The following RYR3 variants were observed in gnomAD, a reference collection of about 807,000 sequenced individuals.
The protein encoded by RYR3 is brain ryanodine receptor-calcium release channel.
RYR3 carries 207 observed loss-of-function variants against 584.3 expected under a neutral mutation model. The observed-to-expected ratio is 0.35, with a 90% CI of 0.32 to 0.40. RYR3 has a LOEUF of 0.40. Among genes scored for constraint, RYR3 ranks in the 10% least tolerant of loss-of-function variants. The pLI is 1.00. For synonymous variants in RYR3, 2,416 were observed against 2,248.5 expected, an observed-to-expected ratio of 1.07 and a Z score of -2.11; for missense variants, 5,616 against 6,089.2, an observed-to-expected ratio of 0.92 and a Z score of 2.59.
At chr15:33,808,376 G>A (rs1253635026) in intron 70 of RYR3, among the ~76,000 whole-genome samples, 2 of 152,164 alleles carry the variant, frequency 1.3e-5, no homozygotes, top group African/African-American at 4.8e-5. Context: ...GCACATTGGA[G>A]TCATATTGCA....
At chr15:33,359,593 CTTATTTATTTATTTAT>C (rs34142769) in intron 1 of RYR3, among the ~76,000 whole-genome samples, 13 of 144,824 alleles carry the variant, frequency 9.0e-5, no homozygotes, top group East Asian at 2.0e-4. Context: ...TCCCTGACCC[CTTATTTATTTATTTAT>C]TTATTTATTT....
chr15:33,429,064 A>G (rs2141701968), intron 1 of RYR3, among the ~76,000 whole-genome samples: 1 of 152,290 alleles, frequency 6.6e-6, no homozygotes, highest in Middle Eastern at 3.4e-3. Flanking sequence ...GTGGGCGGGC[A>G]CTGCAGGAGT....
At chr15:33,712,992 C>G (rs1596282811) in intron 43 of RYR3, among the ~76,000 whole-genome samples, 2 of 152,140 alleles carry the variant, frequency 1.3e-5, no homozygotes, top group South Asian at 2.1e-4. Context: ...TGTTCATGAT[C>G]TTTACGAGAG....
intron 29 of RYR3, among the ~76,000 whole-genome samples, chr15:33,647,054 G>A (rs146580334): frequency 3.3e-3 from 503 of 152,302 alleles, no homozygotes; most frequent in African/African-American, 0.011. Context: ...GCCTGGAGCC[G>A]TCTTGTTGGG....
At chr15:33,424,801 T>C (rs1397705062) in intron 1 of RYR3, among the ~76,000 whole-genome samples, 3 of 152,148 alleles carry the variant, frequency 2.0e-5, no homozygotes, top group Non-Finnish European at 2.9e-5. Context: ...ATGAGCACTA[T>C]AGGGCCTCTA....
Position 33,503,737 on chromosome 15 carries a change from G to A in RYR3, c.278G>A (p.Gly93Glu). The change falls in exon 3 of 104, where the codon GGG becomes GAG. Residue 93 changes from glycine to glutamate, a missense_variant and splice_region_variant. This residue lies in a region of RYR3 where 1,284 missense variants were observed against 1,344.6 expected (regional missense o/e 0.95). Coordinates refer to ENST00000634891, the MANE Select transcript of RYR3 (RefSeq NM_001036.6). ...LANTGENGGE[G>E]AAQGGGHRTL... Reference sequence around the variant, plus strand: ...AACACAGGTGAAAATGGCGGCGAAGGGGTGAGTACCCGAATTGTGTCCTAG... The same window carrying A: ...AACACAGGTGAAAATGGCGGCGAAGAGGTGAGTACCCGAATTGTGTCCTAG... 6.3e-7 allele frequency: 1 copy of A among 1,599,666 alleles called. No homozygotes were observed. Among genetic ancestry groups the A allele is most frequent in the Non-Finnish European group, 8.6e-7 (1 of 1,169,408 alleles).
At chr15:33,508,629 G>A (rs1034949490) in intron 3 of RYR3, among the ~76,000 whole-genome samples, 4 of 152,132 alleles carry the variant, frequency 2.6e-5, no homozygotes, top group South Asian at 2.1e-4. Context: ...CAGACTGGGC[G>A]ACAGAGCAAG....
intron 1 of RYR3, chr15:33,465,719 G>A (rs772934450): frequency 1.9e-6 from 1 of 518,986 alleles, no homozygotes; most frequent in African/African-American, 1.9e-5. Context: ...TACAATAGTT[G>A]TGACAAGAGA....
chr15:33,700,993 G>T lies in RYR3; in HGVS notation c.6396G>T (p.Arg2132Ser). Residue 2132 changes from arginine to serine, a missense_variant, in exon 42 of 104, where the codon AGG (arginine) becomes AGT (serine). Transcript: ENST00000634891. Reference sequence around the variant, plus strand: ...CTCCCTCAGCCTCCCCGTCGATGAGGGGATCCACCCCGCTGGATGTGGCAG... The same window carrying T: ...CTCCCTCAGCCTCCCCGTCGATGAGTGGATCCACCCCGCTGGATGTGGCAG... ...SSVGLASPSM[R>S]GSTPLDVAAS... 1 of 1,613,044 alleles carries T rather than the reference G, an allele frequency of 6.2e-7. No individual in the cohort carries two copies. The highest frequency in any genetic ancestry group is 8.5e-7 in the Non-Finnish European group (1 of 1,179,474).
chr15:33,838,634 C>T lies in RYR3; in HGVS notation c.12654C>T (p.Gly4218=). Residue 4218 remains glycine, a synonymous_variant, in exon 89 of 104, where the codon GGC becomes GGT. Transcript: ENST00000634891. ...QILWSTVFGG[G]LVEGAKNIRV... is the part of the protein sequence containing the mutation. ...TCTGGAGCACAGTGTTTGGAGGGGG[C>T]CTGGTAGAAGGGGCAAAGAACATCA... 2 of 1,613,734 alleles carry T rather than the reference C, an allele frequency of 1.2e-6. No individual in the cohort carries two copies. The highest frequency in any genetic ancestry group is 1.7e-6 in the Non-Finnish European group (2 of 1,179,818).
chr15:33,363,706 T>A (rs1975085455), intron 1 of RYR3, among the ~76,000 whole-genome samples: 1 of 152,216 alleles, frequency 6.6e-6, no homozygotes, highest in African/African-American at 2.4e-5. Context: ...CTATTATGTG[T>A]TGAGCTCAAG....
At position 33,663,669 on chromosome 15, in the gene RYR3, G is replaced by A. The variant is rs1276672359; in HGVS notation, c.5551G>A (p.Ala1851Thr). The change falls in exon 36 of 104, where the codon GCC becomes ACC. Residue 1851 changes from alanine (A) to threonine (T), a missense_variant. By Grantham distance (58) the Ala-to-Thr change is moderately conservative. This residue lies in a region of RYR3 where 1,280 missense variants were observed against 1,426.2 expected (regional missense o/e 0.90). Transcript: ENST00000634891. ...GTTCCGCTACAATGAGCTCATGCAG[G>A]CCCTGAACATGTCTGCGGCCCTGAC... ...QKFRYNELMQ[A>T]LNMSAALTAR... The A allele has an allele frequency of 6.2e-7, 1 of 1,612,854 alleles. No homozygotes were observed. The highest frequency in any genetic ancestry group is 1.7e-5 in the Admixed American group (1 of 59,966).
At chr15:33,439,054 T>A (rs2045987895) in intron 1 of RYR3, among the ~76,000 whole-genome samples, 1 of 152,192 alleles carries the variant, frequency 6.6e-6, no homozygotes, top group Admixed American at 6.5e-5. Flanking sequence ...AATAAAAAGT[T>A]CTGTAATCTT....
chr15:33,689,746 A>G (rs528249811), intron 38 of RYR3, among the ~76,000 whole-genome samples: 15 of 151,488 alleles, frequency 9.9e-5, no homozygotes, highest in Non-Finnish European at 1.8e-4. Context: ...ATGTGTTACT[A>G]TAGGAGTTAT....
rs117126987 is a variant in RYR3, at chr15:33,564,337, C to T, written c.1146+1327C>T. ...GCGAAACTGCTGTGATAATGAAGAGCAAAGCAGAGATGTTGACATTATGAG... is the reference window on the plus strand; with the variant it reads ...GCGAAACTGCTGTGATAATGAAGAGTAAAGCAGAGATGTTGACATTATGAG... On this transcript the variant is annotated intron_variant, in intron 11 of 103. Coordinates refer to ENST00000634891, the MANE Select transcript of RYR3 (RefSeq NM_001036.6). 3.5e-3 allele frequency among the ~76,000 whole-genome samples: 531 copies of T among 152,188 alleles called. 1 individual carries two copies. Among genetic ancestry groups the T allele is most frequent in the South Asian group, 0.011 (54 of 4,818 alleles).
At position 33,554,133 on chromosome 15, in the gene RYR3, A is replaced by G. The variant is rs1409811598; in HGVS notation, c.972+3817A>G. ...TAAGGCCATCACTTCCTTGACTGGG[A>G]GGCCCTGGATGACAAGGACCACACA... On this transcript the variant is annotated intron_variant, in intron 10 of 103. Coordinates refer to ENST00000634891, the MANE Select transcript of RYR3 (RefSeq NM_001036.6). Among the ~76,000 whole-genome samples, 7 of 152,186 alleles carry G rather than the reference A, an allele frequency of 4.6e-5. No individual in the cohort carries two copies. In the South Asian group the frequency reaches 1.5e-3, roughly 32 times the overall value.
chr15:33,349,576 C>CT (rs74195322), intron 1 of RYR3, among the ~76,000 whole-genome samples: 9 of 143,864 alleles, frequency 6.3e-5, no homozygotes, highest in South Asian at 2.3e-4. Context: ...TGTGTACCTT[C>CT]TTTTTTTTTT....
chr15:33,699,142 G>A (rs1282168754), intron 40 of RYR3, among the ~76,000 whole-genome samples: 1 of 152,062 alleles, frequency 6.6e-6, no homozygotes, highest in East Asian at 1.9e-4. Flanking sequence ...TTGCGTAACT[G>A]TAGAGGCCAG....
At chr15:33,716,579 TC>T (rs1342724566) in intron 43 of RYR3, among the ~76,000 whole-genome samples, 2 of 150,378 alleles carry the variant, frequency 1.3e-5, no homozygotes, top group Non-Finnish European at 3.0e-5. Context: ...GAAAACAAAT[TC>T]CTCAAATAAA....
Sources: gnomAD v4.1 joint callset for allele counts (sites outside exome capture counted in the v4.1 genomes callset) on GRCh38, gnomAD v4.1.1 for gene constraint, gnomAD v4.1.1 regional missense constraint, MANE v1.5 for transcripts, NCBI Gene and HGNC (gene_info 2026-07-23, HGNC 2026-07-21) for gene names.